The following NTRK3 variants were observed in gnomAD, a reference collection of about 807,000 sequenced individuals.
The protein encoded by NTRK3 is neurotrophic receptor tyrosine kinase 3.
A neutral mutation model predicts 91.7 loss-of-function variants in NTRK3; 24 were observed. That is an observed-to-expected ratio of 0.26 (90% CI 0.19 to 0.37). NTRK3 has a LOEUF of 0.37. NTRK3 is among the 10% of genes least tolerant of loss of function. NTRK3 has a pLI of 1.00. For synonymous variants in NTRK3, 483 were observed against 404.0 expected, an observed-to-expected ratio of 1.20 and a Z score of -2.34; for missense variants, 880 against 1,068.9, an observed-to-expected ratio of 0.82 and a Z score of 2.46.
chr15:87,928,718 T>A (rs1445325070), intron 17 of NTRK3: 2 of 217,180 alleles, frequency 9.2e-6, no homozygotes, highest in Non-Finnish European at 1.9e-5. Flanking sequence ...CCTCTTCTCA[T>A]CAAGATCTAC....
intron 3 of NTRK3, among the ~76,000 whole-genome samples, chr15:88,194,099 T>C (rs2047626045): frequency 2.0e-5 from 3 of 152,242 alleles, no homozygotes; most frequent in Non-Finnish European, 4.4e-5. Flanking sequence ...TTTTACCCTG[T>C]TAACCACTCT....
chr15:88,076,383 G>A (rs1376323637), intron 13 of NTRK3, among the ~76,000 whole-genome samples: 1 of 152,128 alleles, frequency 6.6e-6, no homozygotes, highest in Non-Finnish European at 1.5e-5. Flanking sequence ...TGAGATTTGG[G>A]TGGGGAGACA....
chr15:87,953,627 G>A (rs2071368498), intron 14 of NTRK3, among the ~76,000 whole-genome samples: 1 of 152,072 alleles, frequency 6.6e-6, no homozygotes, highest in South Asian at 2.1e-4. Flanking sequence ...ACCTCTTTGG[G>A]TGGCCCCAGA....
intron 13 of NTRK3, among the ~76,000 whole-genome samples, chr15:88,055,069 G>A (rs1439919859): frequency 6.6e-6 from 1 of 152,108 alleles, no homozygotes; most frequent in African/African-American, 2.4e-5. Flanking sequence ...CAGAGGGAAG[G>A]GGGAGGTGTT....
intron 17 of NTRK3, among the ~76,000 whole-genome samples, chr15:87,884,100 C>G (rs957749284): frequency 6.7e-6 from 1 of 149,272 alleles, no homozygotes; most frequent in Admixed American, 6.6e-5. Flanking sequence ...CAAAGCAAAA[C>G]AGCCAGCCAA....
intron 14 of NTRK3, among the ~76,000 whole-genome samples, chr15:87,994,922 G>C (rs1445507516): frequency 3.9e-5 from 6 of 152,324 alleles, no homozygotes; most frequent in South Asian, 4.1e-4. Context: ...CAGATGGATA[G>C]ATGGATAAAT....
intron 17 of NTRK3, among the ~76,000 whole-genome samples, chr15:87,893,443 G>C (rs543768354): frequency 6.6e-6 from 1 of 152,190 alleles, no homozygotes; most frequent in Non-Finnish European, 1.5e-5. Flanking sequence ...AGAATGCCCC[G>C]CATGGCAGTG....
chr15:88,104,452 C>T (rs1056329633), intron 13 of NTRK3, among the ~76,000 whole-genome samples: 24 of 152,196 alleles, frequency 1.6e-4, no homozygotes, highest in African/African-American at 4.6e-4. Context: ...GCTGTGTGGG[C>T]TTCCTTAACA....
chr15:87,905,885 A>T (rs952508235), intron 17 of NTRK3, among the ~76,000 whole-genome samples: 13 of 152,186 alleles, frequency 8.5e-5, no homozygotes, highest in Non-Finnish European at 1.5e-4. Flanking sequence ...TCCCATGCCC[A>T]TCCCCATTTC....
At chr15:87,933,137 C>T (rs2141956847) in exon 16 of NTRK3, 4 of 1,614,148 alleles carry the variant, frequency 2.5e-6, no homozygotes, top group Non-Finnish European at 3.4e-6. Flanking sequence ...GCAGCTCGGC[C>T]TCCCTCTGGA....
intron 14 of NTRK3, among the ~76,000 whole-genome samples, chr15:87,949,283 T>A (rs1190899954): frequency 6.6e-6 from 1 of 151,950 alleles, no homozygotes; most frequent in East Asian, 1.9e-4. Context: ...CAAGATCGTA[T>A]TGAACCAGGA....
chr15:88,124,695 C>T (rs1034226707), intron 13 of NTRK3, among the ~76,000 whole-genome samples: 2 of 152,186 alleles, frequency 1.3e-5, no homozygotes, highest in Admixed American at 1.3e-4. Context: ...GTGGTCGTCT[C>T]ATCTTCTAGA....
chr15:88,208,615 G>A (rs1180462143), intron 3 of NTRK3, among the ~76,000 whole-genome samples: 1 of 152,130 alleles, frequency 6.6e-6, no homozygotes, highest in African/African-American at 2.4e-5. Context: ...GAGTGTGCCT[G>A]CACAATGCCT....
intron 14 of NTRK3, among the ~76,000 whole-genome samples, chr15:88,002,172 T>G (rs1467197355): frequency 3.0e-5 from 3 of 101,082 alleles, no homozygotes; most frequent in East Asian, 5.5e-4. Flanking sequence ...GTGGTTGTTT[T>G]TTTTTTTTTT....
chr15:88,037,952 T>C (rs2079215266), intron 13 of NTRK3, among the ~76,000 whole-genome samples: 1 of 152,182 alleles, frequency 6.6e-6, no homozygotes, highest in Non-Finnish European at 1.5e-5. Context: ...GATGCTGGAA[T>C]TTAAACTCAC....
intron 14 of NTRK3, among the ~76,000 whole-genome samples, chr15:87,989,617 G>A (rs946177961): frequency 2.6e-5 from 4 of 151,802 alleles, no homozygotes; most frequent in African/African-American, 9.7e-5. Flanking sequence ...AAACCTGCAC[G>A]TTGTGCACAT....
chr15:87,982,382 A>T (rs1250142132), intron 14 of NTRK3, among the ~76,000 whole-genome samples: 1 of 152,126 alleles, frequency 6.6e-6, no homozygotes, highest in East Asian at 1.9e-4. Flanking sequence ...GGTGAAGAAA[A>T]GGCTGAAGAG....
chr15:87,892,589 TCGA>T (rs911095956), intron 17 of NTRK3, among the ~76,000 whole-genome samples: 2 of 152,196 alleles, frequency 1.3e-5, no homozygotes, highest in African/African-American at 2.4e-5. Flanking sequence ...TATTATTTTG[TCGA>T]CGACTTTTTT....
At chr15:88,169,413 G>A (rs2045303338) in intron 5 of NTRK3, among the ~76,000 whole-genome samples, 1 of 152,178 alleles carries the variant, frequency 6.6e-6, no homozygotes, top group East Asian at 1.9e-4. Context: ...GGCCCTTGTG[G>A]AGGAAGCACC....
Sources: allele counts gnomAD v4.1 joint callset (sites outside exome capture counted in the v4.1 genomes callset), GRCh38; gene constraint gnomAD v4.1.1; transcripts MANE v1.5; gene names NCBI Gene and HGNC (gene_info 2026-07-23, HGNC 2026-07-21).